The following MACF1 variants were observed in gnomAD, a reference collection of about 807,000 sequenced individuals.
MACF1 encodes microtubule actin crosslinking factor 1.
MACF1 carries 193 observed loss-of-function variants against 854.8 expected under a neutral mutation model. The observed-to-expected ratio is 0.23, with a 90% confidence interval of 0.20 to 0.25. MACF1 has a LOEUF of 0.25. MACF1 is among the 10% of genes least tolerant of loss of function. The probability of loss-of-function intolerance (pLI) is 1.00; values close to 1 mark genes in which losing one functional copy is unlikely to be tolerated. For synonymous variants in MACF1, 3,185 were observed against 3,226.7 expected (o/e 0.99, Z 0.44); for missense variants, 7,722 against 8,929.1 (o/e 0.86, Z 5.45).
chr1:39,292,767 GA>G lies in MACF1; in HGVS notation c.1919del (p.Lys640ArgfsTer24). On this transcript the variant is annotated frameshift_variant and splice_region_variant, in exon 17 of 101. Coordinates refer to ENST00000564288, the MANE Select transcript of MACF1 (RefSeq NM_001394062.1). LOFTEE classifies it high-confidence loss of function. ...SSVKEARLYEGKMSQNFHTSY... is the reference protein window; with the variant it reads ...SSVKEARLYEXKMSQNFHTSY... ...TTTATTTCATTCTTTTTTAATCAGG[GA>G]AAGATGTCCCAGAATTTCCATACCA... The G allele has an allele frequency of 6.2e-7, 1 of 1,606,728 alleles. No homozygotes were observed. Among genetic ancestry groups the G allele is most frequent in the Non-Finnish European group, 8.5e-7 (1 of 1,175,090 alleles).
At chr1:39,462,172 A>T in intron 93 of MACF1, 135 bp downstream of exon 93, 1 of 861,108 alleles carries the variant, frequency 1.2e-6, no homozygotes, top group Non-Finnish European at 1.8e-6. Context: ...CTATTTTGAG[A>T]TCTCTTTTTG....
intron 2 of MACF1, among the ~76,000 whole-genome samples, chr1:39,116,777 CTT>C (rs1642557971): frequency 6.6e-6 from 1 of 152,156 alleles, no homozygotes; most frequent in Admixed American, 6.5e-5. Flanking sequence ...CATCTTGACT[CTT>C]GACATAGAGA....
intron 2 of MACF1, among the ~76,000 whole-genome samples, chr1:39,168,305 T>A (rs962454921): frequency 6.6e-6 from 1 of 152,228 alleles, no homozygotes; most frequent in Admixed American, 6.5e-5. Context: ...TATTCTCTTC[T>A]TTTACCTTCA....
At position 39,105,663 on chromosome 1, in the gene MACF1, A is replaced by C. The variant is rs1283466399; in HGVS notation, c.220+21225A>C. The C allele has an allele frequency of 1.6e-6, 2 of 1,236,386 alleles. No individual in the cohort carries two copies. The highest frequency in any genetic ancestry group is 2.1e-6 in the Non-Finnish European group (2 of 962,844). 76.6% of individuals were successfully genotyped at this position (1,236,386 alleles called of 1,614,324 possible). ...GCCGGGTCAGCAGCCGGCCAACCGC[A>C]GCCAGGAGAAGGAGTTCGTGCAGGC... On this transcript the variant is annotated intron_variant, in intron 2 of 93. Transcript: ENST00000361689. The surrounding 1 kb of genome is among the most constrained non-coding windows in gnomAD (Gnocchi z 5.9).
chr1:39,103,315 G>A (rs1642140128), intron 2 of MACF1: 2 of 304,080 alleles, frequency 6.6e-6, no homozygotes, highest in Non-Finnish European at 1.3e-5. Flanking sequence ...AGCCCCAGGT[G>A]GGAATGGAGG....
Position 39,459,100 on chromosome 1 carries a change from C to A in MACF1, c.21211C>A (p.Gln7071Lys). 1 of 1,612,374 alleles carries A rather than the reference C, an allele frequency of 6.2e-7. No homozygotes were observed. The highest frequency in any genetic ancestry group is 8.5e-7 in the Non-Finnish European group (1 of 1,179,432). ...TTTCCTTTTAGGGAAATCCCTAAGT[C>A]AGCCAACCCCTCCTCCCATGCCAAT... ...SRSGGRKSLS[Q>K]PTPPPMPILS... Residue 7071 changes from glutamine to lysine, a missense_variant, in exon 91 of 101, where the codon CAG (glutamine) becomes AAG (lysine). Physicochemically the swap from Gln to Lys is moderately conservative, Grantham distance 53 (BLOSUM62 1). Coordinates refer to ENST00000564288, the MANE Select transcript of MACF1 (RefSeq NM_001394062.1).
In MACF1 at chr1:39,411,604, G is replaced by A. The variant is rs1250737074; in HGVS notation, c.15817-10770G>A. 4 of 1,613,928 alleles carry A rather than the reference G, an allele frequency of 2.5e-6. No homozygotes were observed. In the South Asian group the frequency reaches 4.4e-5, roughly 18 times the overall value. On this transcript the variant is annotated intron_variant, in intron 58 of 100. Coordinates refer to ENST00000564288, the MANE Select transcript of MACF1 (RefSeq NM_001394062.1). ...GTTAGAGGGACTTGTTTCAGATTCA[G>A]CATGTACTGTGGGTACTATTGATGC...
intron 2 of MACF1, among the ~76,000 whole-genome samples, chr1:39,112,650 CA>C (rs1642441939): frequency 6.6e-6 from 1 of 152,002 alleles, no homozygotes; most frequent in African/African-American, 2.4e-5. Flanking sequence ...CACTGCACTC[CA>C]GCCTGGACAA....
chr1:39,467,735 G>A (rs1644699451), intron 95 of MACF1: 1 of 152,138 alleles, frequency 6.6e-6, no homozygotes, highest in Non-Finnish European at 1.5e-5. Context: ...CATTTGTTCA[G>A]CTGAAGAAAC....
intron 31 of MACF1, among the ~76,000 whole-genome samples, chr1:39,321,172 G>C (rs1446456157): frequency 6.6e-6 from 1 of 152,130 alleles, no homozygotes; most frequent in Non-Finnish European, 1.5e-5. Flanking sequence ...GTTAATAACA[G>C]AACACTCACT....
At chr1:39,240,904 T>C (rs1159960079) in intron 2 of MACF1, among the ~76,000 whole-genome samples, 1 of 152,214 alleles carries the variant, frequency 6.6e-6, no homozygotes, top group Non-Finnish European at 1.5e-5. Context: ...AACAGAGATA[T>C]GATAAAATTC....
At chr1:39,339,283 A>G (rs1299852595) in intron 38 of MACF1, among the ~76,000 whole-genome samples, 2 of 152,196 alleles carry the variant, frequency 1.3e-5, no homozygotes, top group African/African-American at 4.8e-5. Flanking sequence ...TATATTCAAA[A>G]GCACTGCCAT....
chr1:39,349,361 C>G, intron 41 of MACF1, 117 bp from the exon 42 acceptor site: 2 of 1,021,842 alleles, frequency 2.0e-6, no homozygotes, highest in Non-Finnish European at 2.9e-6. Context: ...ATTCTAGTCT[C>G]CCACCAACTT....
At chr1:39,381,162 A>G (rs1230750171) in intron 55 of MACF1, among the ~76,000 whole-genome samples, 1 of 151,858 alleles carries the variant, frequency 6.6e-6, no homozygotes, top group Non-Finnish European at 1.5e-5. Flanking sequence ...GGTTCAAGCG[A>G]TTCTCCTGCC....
Position 39,448,638 on chromosome 1 carries a change from C to A in MACF1, c.20133C>A (p.Thr6711=). 6.2e-7 allele frequency: 1 copy of A among 1,609,078 alleles called. No individual in the cohort carries two copies. Among genetic ancestry groups the A allele is most frequent in the Middle Eastern group, 1.7e-4 (1 of 6,032 alleles). Residue 6711 remains threonine (T), a synonymous_variant, in exon 84 of 101, where the codon ACC becomes ACA. Transcript: ENST00000564288. ...TLGGKQPVYD[T]TIRTGRALKE... is the part of the protein sequence containing the mutation. ...GTGGCAAGCAGCCTGTGTATGATACCACAATTAGAACTGGCAGAGCACTGA... is the reference window on the plus strand; with the variant it reads ...GTGGCAAGCAGCCTGTGTATGATACAACAATTAGAACTGGCAGAGCACTGA...
chr1:39,133,233 G>A (rs1412250414), intron 2 of MACF1, among the ~76,000 whole-genome samples: 1 of 152,154 alleles, frequency 6.6e-6, no homozygotes, highest in African/African-American at 2.4e-5. Flanking sequence ...GGGTGTGGTG[G>A]GAGCTGGTTG....
At chr1:39,367,140 T>C (rs1648788929) in intron 49 of MACF1, among the ~76,000 whole-genome samples, 1 of 151,662 alleles carries the variant, frequency 6.6e-6, no homozygotes, top group South Asian at 2.1e-4. Context: ...AGAGACGGAG[T>C]TTCACCATGT....
chr1:39,368,330 T>A lies in MACF1; in HGVS notation c.12938+16T>A, dbSNP rs1406906452. ...TTAAAGAGAGGTGAGTTATCACTTGTGTTGGTCAGCATTGGGGAACTATTT... is the reference window on the plus strand; with the variant it reads ...TTAAAGAGAGGTGAGTTATCACTTGAGTTGGTCAGCATTGGGGAACTATTT... On this transcript the variant is annotated intron_variant, in intron 50 of 100. Transcript: ENST00000564288. The A allele has an allele frequency of 6.2e-7, 1 of 1,607,150 alleles. No homozygotes were observed. Among genetic ancestry groups the A allele is most frequent in the Non-Finnish European group, 8.5e-7 (1 of 1,174,508 alleles).
intron 38 of MACF1, among the ~76,000 whole-genome samples, chr1:39,340,089 T>G (rs74066751): frequency 0.039 from 5,952 of 152,274 alleles, 389 homozygotes; most frequent in African/African-American, 0.13. Flanking sequence ...AGTCATCCGT[T>G]CGGTTTATTT....
Sources: gnomAD v4.1 joint callset for allele counts (sites outside exome capture counted in the v4.1 genomes callset) on GRCh38, gnomAD v4.1.1 for gene constraint, Gnocchi (gnomAD v3.1) non-coding constraint, MANE v1.5 for transcripts, NCBI Gene and HGNC (gene_info 2026-07-23, HGNC 2026-07-21) for gene names.